Variants in RABEP1 observed in about 807,000 individuals in gnomAD.
The protein encoded by RABEP1 is rabaptin, RAB GTPase binding effector protein 1.
Under a neutral mutation model 123.4 loss-of-function variants are expected in RABEP1, and 51 were observed. The observed-to-expected ratio is 0.41, with a 90% CI of 0.33 to 0.52. The LOEUF is 0.52. Ranked by LOEUF, RABEP1 falls within the 20% of genes least tolerant of loss-of-function variation. The pLI, the probability that RABEP1 is intolerant of heterozygous loss-of-function variation, is 0.16. For synonymous variants in RABEP1, 347 were observed against 355.2 expected (o/e 0.98, Z 0.26); for missense variants, 888 against 996.3 (o/e 0.89, Z 1.46).
At chr17:5,365,582 AC>A (rs929620459) in intron 11 of RABEP1, among the ~76,000 whole-genome samples, 3 of 152,196 alleles carry the variant, frequency 2.0e-5, no homozygotes, top group South Asian at 2.1e-4. Context: ...GAAAAAAAAA[AC>A]ATATACAGAT....
chr17:5,366,259 T>G (rs984216770), intron 11 of RABEP1, among the ~76,000 whole-genome samples: 5 of 152,224 alleles, frequency 3.3e-5, no homozygotes, highest in African/African-American at 1.2e-4. Flanking sequence ...TTTTTCATGT[T>G]TCTTGGCCAT....
At chr17:5,347,170 G>A (rs916344091) in intron 6 of RABEP1, among the ~76,000 whole-genome samples, 1 of 152,176 alleles carries the variant, frequency 6.6e-6, no homozygotes, top group Non-Finnish European at 1.5e-5. Context: ...AGCACTTTGG[G>A]AGGCCAAGGT....
intron 7 of RABEP1, among the ~76,000 whole-genome samples, chr17:5,350,946 C>T (rs1426403370): frequency 6.6e-6 from 1 of 152,238 alleles, no homozygotes; most frequent in Non-Finnish European, 1.5e-5. Context: ...TGAGGTCAAG[C>T]TTGTCCAACC....
intron 1 of RABEP1, among the ~76,000 whole-genome samples, chr17:5,288,245 T>G (rs2074998351): frequency 6.6e-6 from 1 of 152,108 alleles, no homozygotes; most frequent in South Asian, 2.1e-4. Context: ...TTTTGGAGGA[T>G]GCAGAACGAG....
At chr17:5,314,234 C>CTTT (rs71151864) in intron 2 of RABEP1, among the ~76,000 whole-genome samples, 841 of 55,556 alleles carry the variant, frequency 0.015, 239 homozygotes, top group African/African-American at 0.017. Flanking sequence ...AGTACCTATT[C>CTTT]TTTTTTTTTT....
chr17:5,380,242 A>C, intron 15 of RABEP1, 122 bp from the exon 16 acceptor site: 1 of 635,514 alleles, frequency 1.6e-6, no homozygotes, highest in Non-Finnish European at 2.7e-6. Flanking sequence ...AAAGGGTGAG[A>C]GGAGTATTCC....
intron 1 of RABEP1, among the ~76,000 whole-genome samples, chr17:5,297,780 G>A (rs1327403314): frequency 1.3e-5 from 2 of 152,184 alleles, no homozygotes; most frequent in African/African-American, 4.8e-5. Context: ...CCAGCTTAGT[G>A]GGAGGGCTGG....
chr17:5,291,210 A>G (rs535916661), intron 1 of RABEP1, among the ~76,000 whole-genome samples: 4 of 152,088 alleles, frequency 2.6e-5, no homozygotes, highest in Non-Finnish European at 4.4e-5. Context: ...GGACTTTGAG[A>G]CCAGCCTGGC....
At chr17:5,302,531 A>G (rs1202235245) in intron 1 of RABEP1, among the ~76,000 whole-genome samples, 1 of 149,680 alleles carries the variant, frequency 6.7e-6, no homozygotes, top group East Asian at 1.9e-4. Flanking sequence ...ATGAGCCACC[A>G]CACCCGGCCA....
chr17:5,348,633 T>C (rs1431091934), intron 6 of RABEP1, among the ~76,000 whole-genome samples: 2 of 152,164 alleles, frequency 1.3e-5, no homozygotes, highest in Non-Finnish European at 2.9e-5. Context: ...CGATCTCGGC[T>C]CACTGCAAGC....
intron 1 of RABEP1, among the ~76,000 whole-genome samples, chr17:5,302,868 CTG>C (rs1195615310): frequency 6.6e-6 from 1 of 152,044 alleles, no homozygotes; most frequent in African/African-American, 2.4e-5. Flanking sequence ...ATTTTATAGA[CTG>C]TGAGTTTCTT....
In RABEP1 at chr17:5,350,423, G is replaced by C. The variant is rs376983694; in HGVS notation, c.785-28G>C. On this transcript the variant is annotated intron_variant, in intron 6 of 17. Coordinates refer to ENST00000537505, the MANE Select transcript of RABEP1 (RefSeq NM_004703.6). Reference sequence around the variant, plus strand: ...CCTACCATTAAAATTCAGTGTTTTTGATTTGTGGTGGGGGGGTTCCTAAAC... The same window carrying C: ...CCTACCATTAAAATTCAGTGTTTTTCATTTGTGGTGGGGGGGTTCCTAAAC... The C allele has an allele frequency of 3.4e-5, 53 of 1,572,462 alleles. No homozygotes were observed. In the African/African-American group the frequency reaches 6.5e-4, roughly 19 times the overall value.
At chr17:5,334,769 T>C (rs1447062921) in intron 3 of RABEP1, among the ~76,000 whole-genome samples, 2 of 152,224 alleles carry the variant, frequency 1.3e-5, no homozygotes, top group South Asian at 2.1e-4. Context: ...TCCAGAAATA[T>C]ATCCCTTTTC....
chr17:5,361,303 G>C lies in RABEP1; in HGVS notation c.1191G>C (p.Met397Ile). Residue 397 changes from methionine (M) to isoleucine (I), a missense_variant, in exon 9 of 18, where the codon ATG (methionine) becomes ATC (isoleucine). Met to Ile is a conservative substitution (Grantham distance 10, BLOSUM62 1). Transcript: ENST00000537505. ...GDPFSKSDND[M>I]FKDGLRRAQS... Reference sequence around the variant, plus strand: ...CTTTCAGTAAATCGGACAATGACATGTTTAAAGATGGACTCAGGAGAGCAC... The same window carrying C: ...CTTTCAGTAAATCGGACAATGACATCTTTAAAGATGGACTCAGGAGAGCAC... The C allele has an allele frequency of 6.2e-7, 1 of 1,614,184 alleles. No homozygotes were observed. Among genetic ancestry groups the C allele is most frequent in the Non-Finnish European group, 8.5e-7 (1 of 1,180,030 alleles).
At chr17:5,343,670 C>CTTTTTTTT (rs753410845) in intron 5 of RABEP1, among the ~76,000 whole-genome samples, 31 of 99,924 alleles carry the variant, frequency 3.1e-4, no homozygotes, top group African/African-American at 5.1e-4. Flanking sequence ...TTTCTTTTCT[C>CTTTTTTTT]TTTTTTTTTT....
In RABEP1 at chr17:5,338,059, C is replaced by T. The variant is rs779964235; in HGVS notation, c.569C>T (p.Pro190Leu). The change falls in exon 5 of 18, where the codon CCA becomes CTA. Residue 190 changes from proline (P) to leucine (L), a missense_variant. Pro to Leu is a moderately conservative substitution (Grantham distance 98, BLOSUM62 -3). Coordinates refer to ENST00000537505, the MANE Select transcript of RABEP1 (RefSeq NM_004703.6). ...DAEKLRSVVM[P>L]MEKEIAALKD... ...GAGAAACTTCGGTCCGTTGTGATGCCAATGGAAAAGGAAATTGCAGCTTTG... is the reference window on the plus strand; with the variant it reads ...GAGAAACTTCGGTCCGTTGTGATGCTAATGGAAAAGGAAATTGCAGCTTTG... 1.1e-5 allele frequency: 18 copies of T among 1,613,410 alleles called. No homozygotes were observed. The highest frequency in any genetic ancestry group is 1.4e-5 in the Non-Finnish European group (17 of 1,179,590).
Position 5,339,781 on chromosome 17 carries a change from C to T in RABEP1, c.648+1643C>T, listed in dbSNP as rs1465486140. Among the ~76,000 whole-genome samples the T allele has an allele frequency of 5.9e-5, 9 of 151,530 alleles. No individual in the cohort carries two copies. The East Asian group carries it at 9.7e-4, about 16-fold the overall frequency. On this transcript the variant is annotated intron_variant, in intron 5 of 17. Coordinates refer to ENST00000537505, the MANE Select transcript of RABEP1 (RefSeq NM_004703.6). ...CTGTACCACTGCACTCCAGCCTGGG[C>T]GACAGAGTGAGACTCCATCTCAAAA...
rs1911688181 is a variant in RABEP1 at position 5,383,629 on chromosome 17, G to C, written c.*406G>C. ...GAGAATTTGCTTTATCTGTTGTCTA[G>C]AGCTCATCAGTAACAGTATTCAGTT... On this transcript the variant is annotated 3_prime_UTR_variant, in exon 18 of 18. Coordinates refer to ENST00000537505, the MANE Select transcript of RABEP1 (RefSeq NM_004703.6). 1 of 256,658 alleles carries C rather than the reference G, an allele frequency of 3.9e-6. No homozygotes were observed. The highest frequency in any genetic ancestry group is 1.2e-4 in the South Asian group (1 of 8,456). The allele number at this position is 256,658 out of a possible 1,614,324, so 15.9% of individuals were successfully genotyped here. A position where few individuals can be genotyped will look rare whatever the true frequency, so the allele number is the denominator to read the frequency against.
intron 1 of RABEP1, among the ~76,000 whole-genome samples, chr17:5,284,976 T>A (rs4790260): frequency 0.03 from 4,456 of 147,010 alleles, 136 homozygotes; most frequent in East Asian, 0.13. Context: ...GATGACTTTT[T>A]AAAAAAAAAA....
Sources: gnomAD v4.1 joint callset for allele counts (sites outside exome capture counted in the v4.1 genomes callset) on GRCh38, gnomAD v4.1.1 for gene constraint, MANE v1.5 for transcripts, NCBI Gene and HGNC (gene_info 2026-07-23, HGNC 2026-07-21) for gene names.